Variants in ESRRB observed in about 807,000 individuals in gnomAD.
ESRRB encodes the protein estrogen related receptor beta.
In ESRRB, 16 loss-of-function variants were observed where a neutral mutation model predicts 46.0. That is an observed-to-expected ratio of 0.35 (90% CI 0.24 to 0.53). ESRRB has a LOEUF of 0.53. Ranked by LOEUF, ESRRB falls within the 20% of genes least tolerant of loss-of-function variation. The probability of loss-of-function intolerance (pLI) is 0.93; values close to 1 mark genes in which losing one functional copy is unlikely to be tolerated. For synonymous variants in ESRRB, 246 were observed against 259.6 expected, an observed-to-expected ratio of 0.95 and a Z score of 0.50; for missense variants, 488 against 607.4, an observed-to-expected ratio of 0.80 and a Z score of 2.07.
intron 1 of ESRRB, among the ~76,000 whole-genome samples, chr14:76,318,671 C>T (rs951403455): frequency 6.6e-6 from 1 of 152,306 alleles, no homozygotes; most frequent in Middle Eastern, 3.4e-3. Context: ...TAAAGGAGCC[C>T]TGTGTAAGTC....
At chr14:76,369,280 GTT>G (rs201369005), upstream of ESRRB, among the ~76,000 whole-genome samples, 7 of 143,766 alleles carry the variant, frequency 4.9e-5, no homozygotes, top group African/African-American at 1.8e-4. Flanking sequence ...TTTCTTTGAG[GTT>G]TTTTTTTTTT....
Position 76,358,341 on chromosome 14 carries a change from AAGAAAGAAAG to A in ESRRB, c.2+47427_2+47436del, listed in dbSNP as rs1377358588. Reference sequence around the variant, plus strand: ...AAAAAAAAAAAGAAAGAAAGAAAGAAAGAAAGAAAGAAAGAAAGAAAGAAAGAAAGAAAGA... The same window carrying A: ...AAAAAAAAAAAGAAAGAAAGAAAGAAAAAGAAAGAAAGAAAGAAAGAAAGA... On this transcript the variant is annotated intron_variant, in intron 1 of 6. Transcript: ENST00000512784. Among the ~76,000 whole-genome samples, 3 of 35,738 alleles carry A rather than the reference AAGAAAGAAAG, an allele frequency of 8.4e-5. 1 individual carries two copies. Among genetic ancestry groups the A allele is most frequent in the Non-Finnish European group, 1.6e-4 (3 of 19,046 alleles). The allele number at this position is 35,738 out of a possible 152,430, so 23.4% of individuals were successfully genotyped here. A position where few individuals can be genotyped will look rare whatever the true frequency, so the allele number is the denominator to read the frequency against.
At position 76,495,948 on chromosome 14, in the gene ESRRB, C is replaced by T. The variant is rs543902510; in HGVS notation, c.1121-2266C>T. Among the ~76,000 whole-genome samples the T allele has an allele frequency of 2.8e-4, 42 of 152,310 alleles. 1 individual carries two copies. In the South Asian group the frequency reaches 3.5e-3, roughly 13 times the overall value. ...ACCAGTCTGTGTACCATGCTTTGAGCAGGCTGGGTTTAAAGCGTGTACTTC... is the reference window on the plus strand; with the variant it reads ...ACCAGTCTGTGTACCATGCTTTGAGTAGGCTGGGTTTAAAGCGTGTACTTC... On this transcript the variant is annotated intron_variant, in intron 6 of 6. Transcript: ENST00000644823.
chr14:76,422,604 A>C (rs1348927393), intron 1 of ESRRB, among the ~76,000 whole-genome samples: 1 of 152,218 alleles, frequency 6.6e-6, no homozygotes, highest in Non-Finnish European at 1.5e-5. Flanking sequence ...ACCTGTACCC[A>C]AGATTGCTGA....
upstream of ESRRB, among the ~76,000 whole-genome samples, chr14:76,368,126 C>CTT (rs751709764): frequency 7.1e-4 from 88 of 124,224 alleles, no homozygotes; most frequent in African/African-American, 1.7e-3. Context: ...CTAATTTTTC[C>CTT]TTTTTTTTTT....
intron 2 of ESRRB, among the ~76,000 whole-genome samples, chr14:76,446,201 C>T (rs529445328): frequency 3.3e-5 from 5 of 152,278 alleles, no homozygotes; most frequent in South Asian, 2.1e-4. Context: ...GCAATAGTGA[C>T]GGCCTGATCC....
At chr14:76,312,548 G>C (rs1007206367) in intron 1 of ESRRB, among the ~76,000 whole-genome samples, 8 of 151,124 alleles carry the variant, frequency 5.3e-5, no homozygotes, top group African/African-American at 1.9e-4. Context: ...GGCGTACAAG[G>C]GGGTAAATGT....
intron 3 of ESRRB, 119 bp downstream of exon 3, chr14:76,462,780 C>T (rs759115395): frequency 3.2e-5 from 26 of 807,494 alleles, no homozygotes; most frequent in Admixed American, 8.6e-5. Context: ...CCAGTCTGAG[C>T]GCCCATCTCC....
chr14:76,377,048 C>A (rs1884798983), intron 1 of ESRRB, among the ~76,000 whole-genome samples: 2 of 152,208 alleles, frequency 1.3e-5, no homozygotes, highest in Non-Finnish European at 1.5e-5. Context: ...GGGATGCGGG[C>A]CCAGCGCTGC....
At chr14:76,389,667 G>C (rs746715136) in intron 1 of ESRRB, among the ~76,000 whole-genome samples, 20 of 152,160 alleles carry the variant, frequency 1.3e-4, no homozygotes, top group Non-Finnish European at 2.1e-4. Context: ...TTGAAATCCT[G>C]GTCCCAATGG....
Position 76,439,345 on chromosome 14 carries a change from C to G in ESRRB, c.55C>G (p.Leu19Val), listed in dbSNP as rs750382285. ...PDPLGYHNQL[L>V]NRMSSDDRHL... ...CTTCCCGATTTGTGTCCACAGGCTG[C>G]TGAACAGGATGTCCTCGGACGACAG... Residue 19 changes from leucine (L) to valine (V), a missense_variant, in exon 2 of 7, where the codon CTG becomes GTG. Coordinates refer to ENST00000644823, the MANE Select transcript of ESRRB (RefSeq NM_001379180.1). 8.1e-6 allele frequency: 13 copies of G among 1,613,684 alleles called. No individual in the cohort carries two copies. The Middle Eastern group carries it at 4.9e-4, about 61-fold the overall frequency.
At chr14:76,424,576 G>A (rs1187272037) in intron 1 of ESRRB, among the ~76,000 whole-genome samples, 2 of 152,208 alleles carry the variant, frequency 1.3e-5, no homozygotes, top group Non-Finnish European at 2.9e-5. Context: ...TGTGATCAGA[G>A]TGGAGGTCAG....
At chr14:76,448,372 A>C (rs1595128579) in intron 2 of ESRRB, among the ~76,000 whole-genome samples, 2 of 139,128 alleles carry the variant, frequency 1.4e-5, no homozygotes, top group African/African-American at 5.4e-5. Flanking sequence ...CTTGTTGCCC[A>C]GGCTGGAGTG....
intron 1 of ESRRB, chr14:76,407,518 T>C: frequency 1.6e-5 from 16 of 985,180 alleles, no homozygotes; most frequent in Non-Finnish European, 1.9e-5. Context: ...GATCTTACTC[T>C]AGCTTTCCCA....
intron 1 of ESRRB, among the ~76,000 whole-genome samples, chr14:76,384,767 C>T (rs993011731): frequency 3.3e-5 from 5 of 152,158 alleles, no homozygotes; most frequent in Non-Finnish European, 5.9e-5. Flanking sequence ...GGGGTTATGA[C>T]TTGGCGCATG....
At chr14:76,356,545 T>A (rs1220177386) in intron 1 of ESRRB, among the ~76,000 whole-genome samples, 1 of 152,188 alleles carries the variant, frequency 6.6e-6, no homozygotes, top group African/African-American at 2.4e-5. Flanking sequence ...TGATTCCTTC[T>A]AGCCCCAGCC....
At chr14:76,443,757 G>T (rs1319557578) in intron 2 of ESRRB, among the ~76,000 whole-genome samples, 1 of 152,086 alleles carries the variant, frequency 6.6e-6, no homozygotes, top group African/African-American at 2.4e-5. Flanking sequence ...CTTGACAGAG[G>T]CCCAGGTGTC....
At chr14:76,434,260 C>T (rs1469115162) in intron 1 of ESRRB, among the ~76,000 whole-genome samples, 2 of 152,236 alleles carry the variant, frequency 1.3e-5, no homozygotes, top group African/African-American at 4.8e-5. Flanking sequence ...TTTCTTCCCC[C>T]TGCCTGGTGC....
intron 1 of ESRRB, among the ~76,000 whole-genome samples, chr14:76,437,418 T>C (rs899908959): frequency 1.3e-5 from 2 of 152,194 alleles, no homozygotes; most frequent in African/African-American, 4.8e-5. Context: ...ACACATTTTG[T>C]GGCATTGCTA....
Sources: allele counts gnomAD v4.1 joint callset (sites outside exome capture counted in the v4.1 genomes callset), GRCh38; gene constraint gnomAD v4.1.1; transcripts MANE v1.5; gene names NCBI Gene and HGNC (gene_info 2026-07-23, HGNC 2026-07-21).